ATG5: variants seen among roughly 807,000 people sequenced by gnomAD.
ATG5 encodes autophagy related 5, also known as autophagy protein 5.
In ATG5, 14 loss-of-function variants were observed where a neutral mutation model predicts 36.5. That is an observed-to-expected ratio of 0.38 (90% CI 0.25 to 0.60). The LOEUF (loss-of-function observed/expected upper bound fraction) is 0.60, where lower values mean the gene tolerates loss of function less well. Ranked by LOEUF, ATG5 falls within the 20% of genes least tolerant of loss-of-function variation. The pLI is 0.60. For synonymous variants in ATG5, 95 were observed against 101.5 expected, an observed-to-expected ratio of 0.94 and a Z score of 0.38; for missense variants, 195 against 326.7, an observed-to-expected ratio of 0.60 and a Z score of 3.11.
At chr6:106,266,521 T>C (rs1175932360) in intron 5 of ATG5, among the ~76,000 whole-genome samples, 2 of 152,128 alleles carry the variant, frequency 1.3e-5, no homozygotes, top group African/African-American at 4.8e-5. Context: ...CATTTTATGA[T>C]ACCAAAACCT....
intron 6 of ATG5, among the ~76,000 whole-genome samples, chr6:106,213,139 G>C (rs573669491): frequency 2.0e-5 from 3 of 152,084 alleles, no homozygotes; most frequent in Non-Finnish European, 4.4e-5. Context: ...CAGAAGGCAG[G>C]AATAAATTTT....
chr6:106,244,725 T>C (rs1778263197), intron 6 of ATG5, among the ~76,000 whole-genome samples: 1 of 152,228 alleles, frequency 6.6e-6, no homozygotes. Context: ...TCACACATAA[T>C]ATCGATCATC....
chr6:106,280,969 A>T (rs1779855972), intron 4 of ATG5, among the ~76,000 whole-genome samples: 1 of 152,136 alleles, frequency 6.6e-6, no homozygotes, highest in Admixed American at 6.6e-5. Flanking sequence ...GTCCTTTAAT[A>T]AATTTAAAAG....
chr6:106,309,077 T>C (rs940340328), intron 2 of ATG5, among the ~76,000 whole-genome samples: 7 of 152,190 alleles, frequency 4.6e-5, no homozygotes, highest in Non-Finnish European at 1.0e-4. Flanking sequence ...TTATGATTTA[T>C]ATAAAGAACC....
In ATG5 at chr6:106,320,001, T is replaced by C. The variant is rs150694586; in HGVS notation, c.-58-3735A>G. ...ATATCAAGTAACTCCAGAAACACTATACATTTTACATTACCTCACATGTGA... is the reference window on the plus strand; with the variant it reads ...ATATCAAGTAACTCCAGAAACACTACACATTTTACATTACCTCACATGTGA... On this transcript the variant is annotated intron_variant, in intron 1 of 7. Transcript: ENST00000369076. Among the ~76,000 whole-genome samples the C allele has an allele frequency of 2.9e-3, 447 of 152,358 alleles. 2 individuals carry two copies. The highest frequency in any genetic ancestry group is 0.01 in the African/African-American group (417 of 41,578).
At chr6:106,266,180 A>G (rs1779222748) in intron 5 of ATG5, among the ~76,000 whole-genome samples, 1 of 152,260 alleles carries the variant, frequency 6.6e-6, no homozygotes, top group Non-Finnish European at 1.5e-5. Flanking sequence ...CACTGATCTC[A>G]CAAAAATACA....
chr6:106,196,246 A>G (rs1351093999), intron 7 of ATG5, among the ~76,000 whole-genome samples: 1 of 152,210 alleles, frequency 6.6e-6, no homozygotes, highest in Non-Finnish European at 1.5e-5. Flanking sequence ...CAAATTGAAG[A>G]CTAAGATTTG....
chr6:106,216,071 T>G (rs886544500), intron 6 of ATG5, among the ~76,000 whole-genome samples: 10 of 152,314 alleles, frequency 6.6e-5, no homozygotes, highest in African/African-American at 2.4e-4. Context: ...CCACTAAGAC[T>G]GCTGTAATTA....
At chr6:106,231,656 C>T (rs1777699226) in intron 6 of ATG5, among the ~76,000 whole-genome samples, 1 of 152,174 alleles carries the variant, frequency 6.6e-6, no homozygotes, top group South Asian at 2.1e-4. Flanking sequence ...TGTCAACTGA[C>T]TCTACTGAAG....
chr6:106,275,512 C>T (rs1475205384), intron 5 of ATG5, among the ~76,000 whole-genome samples: 1 of 151,730 alleles, frequency 6.6e-6, no homozygotes, highest in East Asian at 1.9e-4. Flanking sequence ...TAATTTATAA[C>T]CAAAAACAAA....
At chr6:106,200,452 A>G (rs1776377853) in intron 7 of ATG5, among the ~76,000 whole-genome samples, 1 of 151,874 alleles carries the variant, frequency 6.6e-6, no homozygotes, top group South Asian at 2.1e-4. Context: ...AAAAATTTCT[A>G]TTATATAATA....
chr6:106,297,949 GA>G (rs1221890280), intron 3 of ATG5, among the ~76,000 whole-genome samples: 6 of 150,250 alleles, frequency 4.0e-5, no homozygotes, highest in African/African-American at 1.5e-4. Context: ...AACAGAGGGA[GA>G]CCCTGTCAAA....
intron 7 of ATG5, among the ~76,000 whole-genome samples, chr6:106,197,106 A>G (rs1776226385): frequency 6.6e-6 from 1 of 152,304 alleles, no homozygotes; most frequent in African/African-American, 2.4e-5. Context: ...ATTACTTCCA[A>G]AGTTTTGGGT....
intron 5 of ATG5, among the ~76,000 whole-genome samples, chr6:106,272,916 A>T (rs888759476): frequency 6.6e-6 from 1 of 152,198 alleles, no homozygotes; most frequent in Non-Finnish European, 1.5e-5. Flanking sequence ...CCAAAAACTC[A>T]CACAGACAAG....
intron 3 of ATG5, among the ~76,000 whole-genome samples, chr6:106,307,602 T>TAA (rs1369755851): frequency 6.7e-6 from 1 of 150,216 alleles, no homozygotes; most frequent in African/African-American, 2.5e-5. Flanking sequence ...TGGAATGTTG[T>TAA]GATAGCTCAC....
At chr6:106,276,553 T>G (rs1779664444) in intron 5 of ATG5, among the ~76,000 whole-genome samples, 1 of 152,148 alleles carries the variant, frequency 6.6e-6, no homozygotes, top group African/African-American at 2.4e-5. Flanking sequence ...AGGCCTTTGT[T>G]GTTCTTCTAA....
At chr6:106,236,029 G>A (rs938979526) in intron 6 of ATG5, among the ~76,000 whole-genome samples, 17 of 152,242 alleles carry the variant, frequency 1.1e-4, no homozygotes, top group African/African-American at 4.1e-4. Context: ...CTTGGCCTCA[G>A]AAGAATCATT....
At chr6:106,209,408 T>C (rs1289160502) in intron 6 of ATG5, among the ~76,000 whole-genome samples, 1 of 152,180 alleles carries the variant, frequency 6.6e-6, no homozygotes, top group Non-Finnish European at 1.5e-5. Context: ...GGAGTTATGT[T>C]ATGTGAAAAA....
At chr6:106,275,207 A>T (rs1779594247) in intron 5 of ATG5, among the ~76,000 whole-genome samples, 1 of 152,256 alleles carries the variant, frequency 6.6e-6, no homozygotes, top group African/African-American at 2.4e-5. Flanking sequence ...ACAGAATAGA[A>T]AACATCCACC....
Sources: gnomAD v4.1 joint callset for allele counts (sites outside exome capture counted in the v4.1 genomes callset) on GRCh38, gnomAD v4.1.1 for gene constraint, MANE v1.5 for transcripts, NCBI Gene and HGNC (gene_info 2026-07-23, HGNC 2026-07-21) for gene names.